Variants in SQOR observed in about 807,000 individuals in gnomAD.
SQOR encodes the protein sulfide quinone oxidoreductase.
SQOR carries 39 observed loss-of-function variants against 48.6 expected under a neutral mutation model. That is an observed-to-expected ratio of 0.80 (90% confidence interval 0.62 to 1.05). The LOEUF is 1.05. Among genes scored for constraint, SQOR ranks in the 50% least tolerant of loss-of-function variants. SQOR has a pLI of 0.00. For missense variants in SQOR, 561 were observed against 559.9 expected (o/e 1.00, Z -0.02); for synonymous variants, 220 against 206.2 (o/e 1.07, Z -0.57).
At chr15:45,671,434 A>G (rs965715103) in intron 4 of SQOR, among the ~76,000 whole-genome samples, 1 of 152,202 alleles carries the variant, frequency 6.6e-6, no homozygotes, top group African/African-American at 2.4e-5. Flanking sequence ...CTGGGATTAC[A>G]GGCGTGAACC....
chr15:45,688,415 C>A lies in SQOR; in HGVS notation c.1116+11C>A. 1 of 1,573,922 alleles carries A rather than the reference C, an allele frequency of 6.4e-7. No homozygotes were observed. The highest frequency in any genetic ancestry group is 8.7e-7 in the Non-Finnish European group (1 of 1,152,916). On this transcript the variant is annotated intron_variant, in intron 8 of 9. Coordinates refer to ENST00000260324, the MANE Select transcript of SQOR (RefSeq NM_021199.4). ...ACACCAACAAAGAAGGTTTGTATGC[C>A]TTGTAAGAATCACTGTCTCAATGAT...
intron 3 of SQOR, among the ~76,000 whole-genome samples, chr15:45,668,947 T>G (rs980023554): frequency 6.6e-6 from 1 of 151,934 alleles, no homozygotes; most frequent in African/African-American, 2.4e-5. Flanking sequence ...AAGGGACTTT[T>G]TTCATCCCAT....
At chr15:45,679,030 A>G (rs1490121680) in intron 6 of SQOR, among the ~76,000 whole-genome samples, 1 of 152,218 alleles carries the variant, frequency 6.6e-6, no homozygotes, top group African/African-American at 2.4e-5. Context: ...TGAGTGCATG[A>G]ACTTAACTTT....
chr15:45,632,261 C>T (rs1894910874), upstream of SQOR, among the ~76,000 whole-genome samples: 2 of 139,978 alleles, frequency 1.4e-5, no homozygotes, highest in Admixed American at 7.6e-5. Context: ...GCTCTGTTGC[C>T]CAGGCTGGAG....
chr15:45,669,784 C>T (rs1427642292), intron 3 of SQOR, 144 bp from the exon 4 acceptor site: 2 of 707,388 alleles, frequency 2.8e-6, no homozygotes, highest in Non-Finnish European at 4.9e-6. Context: ...CCTTGTTCTG[C>T]TTCGATTTTC....
chr15:45,649,485 C>CT (rs921271206), intron 1 of SQOR, among the ~76,000 whole-genome samples: 1 of 151,840 alleles, frequency 6.6e-6, no homozygotes, highest in Non-Finnish European at 1.5e-5. Context: ...TTTTCTTTTT[C>CT]TTTTTTTTGA....
intron 3 of SQOR, among the ~76,000 whole-genome samples, chr15:45,664,099 G>A (rs556669741): frequency 1.3e-5 from 2 of 152,240 alleles, no homozygotes; most frequent in African/African-American, 4.8e-5. Context: ...CATGGAGGTG[G>A]GGGATTGAAT....
intron 2 of SQOR, among the ~76,000 whole-genome samples, chr15:45,660,742 G>A (rs181377873): frequency 9.1e-4 from 139 of 152,304 alleles, no homozygotes; most frequent in African/African-American, 3.2e-3. Context: ...CTCATAAATG[G>A]AGACCTCTGT....
intron 1 of SQOR, among the ~76,000 whole-genome samples, chr15:45,648,167 G>A (rs548103531): frequency 1.3e-5 from 2 of 148,688 alleles, no homozygotes; most frequent in South Asian, 2.1e-4. Context: ...ATAGTTTTTT[G>A]TTTTTTTGTT....
At chr15:45,675,615 G>C (rs978886752) in intron 5 of SQOR, among the ~76,000 whole-genome samples, 1 of 151,970 alleles carries the variant, frequency 6.6e-6, no homozygotes, top group Non-Finnish European at 1.5e-5. Context: ...GGCCAGGCTG[G>C]TCTGGAACTC....
At chr15:45,657,073 G>A (rs138207466) in intron 1 of SQOR, among the ~76,000 whole-genome samples, 47 of 151,298 alleles carry the variant, frequency 3.1e-4, no homozygotes, top group African/African-American at 1.1e-3. Flanking sequence ...CTCCCAAAGT[G>A]CTGGGATTAC....
upstream of SQOR, among the ~76,000 whole-genome samples, chr15:45,634,225 T>TATATATATATATATATATATATATAC (rs1566912034): frequency 7.9e-6 from 1 of 125,880 alleles, no homozygotes; most frequent in African/African-American, 2.9e-5. Context: ...TATATATATA[T>TATATATATATATATATATATATATAC]TCAAAATTCA....
intron 3 of SQOR, among the ~76,000 whole-genome samples, chr15:45,667,272 AGCTGGGACTACAG>A (rs1429239139): frequency 6.6e-6 from 1 of 150,940 alleles, no homozygotes; most frequent in Non-Finnish European, 1.5e-5. Context: ...CCTCCTGAGT[AGCTGGGACTACAG>A]GCACACACTA....
intron 1 of SQOR, among the ~76,000 whole-genome samples, chr15:45,640,271 T>G (rs1895082114): frequency 1.3e-5 from 2 of 152,222 alleles, no homozygotes; most frequent in African/African-American, 2.4e-5. Context: ...CATTTTCCTT[T>G]TCTCATTTAG....
chr15:45,634,043 G>A (rs1018400775), upstream of SQOR, among the ~76,000 whole-genome samples: 2 of 150,782 alleles, frequency 1.3e-5, no homozygotes, highest in Non-Finnish European at 3.0e-5. Flanking sequence ...GGGCATGGTG[G>A]CACACACCTG....
intron 1 of SQOR, among the ~76,000 whole-genome samples, chr15:45,645,121 C>T (rs1265319534): frequency 6.6e-6 from 1 of 152,172 alleles, no homozygotes; most frequent in African/African-American, 2.4e-5. Context: ...TTCCTGGTTT[C>T]ATGAAGTATC....
rs150789874 is a variant in SQOR, at chr15:45,658,973, C to T, written c.50C>T (p.Ala17Val). 382 of 1,594,010 alleles carry T rather than the reference C, an allele frequency of 2.4e-4. No individual in the cohort carries two copies. Among genetic ancestry groups the T allele is most frequent in the Non-Finnish European group, 3.1e-4 (365 of 1,168,778 alleles). ...VVSGPRAQLF[A>V]CLLRLGTQQV... The stretch of plus-strand genomic sequence containing the variant: ...TCAGGGCCCCGTGCCCAGCTCTTTG[C>T]CTGCCTGCTCAGGCTGGGCACTCAG... Residue 17 changes from alanine (A) to valine (V), a missense_variant, in exon 2 of 10, where the codon GCC (alanine) becomes GTC (valine). Coordinates refer to ENST00000260324, the MANE Select transcript of SQOR (RefSeq NM_021199.4).
intron 7 of SQOR, among the ~76,000 whole-genome samples, chr15:45,686,831 GAC>G (rs1890233759): frequency 6.6e-6 from 1 of 152,098 alleles, no homozygotes; most frequent in Non-Finnish European, 1.5e-5. Context: ...TTATTTTTGA[GAC>G]AGAGTCTCAT....
rs146322805 is a variant in SQOR, at chr15:45,654,856, G to T, written c.-17-4051G>T. On this transcript the variant is annotated intron_variant, in intron 1 of 9. Transcript: ENST00000260324. ...CTGATTTACATAGGGCTCACAGATTGGTTTGATCAGGTATGATGTTTACAT... is the reference window on the plus strand; with the variant it reads ...CTGATTTACATAGGGCTCACAGATTTGTTTGATCAGGTATGATGTTTACAT... 4.9e-4 allele frequency among the ~76,000 whole-genome samples: 74 copies of T among 152,220 alleles called. 1 individual carries two copies. Among genetic ancestry groups the T allele is most frequent in the African/African-American group, 1.6e-3 (68 of 41,538 alleles).
Sources: allele counts gnomAD v4.1 joint callset (sites outside exome capture counted in the v4.1 genomes callset), GRCh38; gene constraint gnomAD v4.1.1; transcripts MANE v1.5; gene names NCBI Gene and HGNC (gene_info 2026-07-23, HGNC 2026-07-21).